The following CCDC73 variants were observed in gnomAD, a reference collection of about 807,000 sequenced individuals.
CCDC73 encodes coiled-coil domain containing 73.
In CCDC73, 95 loss-of-function variants were observed where a neutral mutation model predicts 116.5. The observed-to-expected ratio is 0.82, with a 90% CI of 0.69 to 0.97. The LOEUF is 0.97. CCDC73 is among the 50% of genes least tolerant of loss of function. CCDC73 has a pLI of 0.00. For missense variants in CCDC73, 1,066 were observed against 1,206.8 expected, an observed-to-expected ratio of 0.88 and a Z score of 1.73; for synonymous variants, 398 against 401.3, an observed-to-expected ratio of 0.99 and a Z score of 0.10.
intron 3 of CCDC73, among the ~76,000 whole-genome samples, chr11:32,706,972 T>G (rs271027): frequency 1.3e-4 from 20 of 152,142 alleles, no homozygotes; most frequent in Non-Finnish European, 2.9e-4. Context: ...GTTGACTTAC[T>G]GGTAACTTTA....
chr11:32,750,119 C>T (rs911882475), intron 2 of CCDC73, among the ~76,000 whole-genome samples: 1 of 152,214 alleles, frequency 6.6e-6, no homozygotes, highest in Non-Finnish European at 1.5e-5. Flanking sequence ...ATCCGCCTGC[C>T]TCAGCCTCCC....
intron 6 of CCDC73, among the ~76,000 whole-genome samples, chr11:32,688,049 A>G (rs1005540392): frequency 4.6e-5 from 7 of 152,334 alleles, no homozygotes; most frequent in Non-Finnish European, 1.0e-4. Flanking sequence ...CTATATTGAT[A>G]TAAATAAATA....
At chr11:32,731,278 G>A (rs1374523977) in intron 2 of CCDC73, among the ~76,000 whole-genome samples, 1 of 152,180 alleles carries the variant, frequency 6.6e-6, no homozygotes, top group South Asian at 2.1e-4. Context: ...TGGCCAGGAA[G>A]CTCAAACTGA....
the CCDC73 span, among the ~76,000 whole-genome samples, chr11:32,806,661 A>C: frequency 6.6e-6 from 1 of 151,848 alleles, no homozygotes; most frequent in African/African-American, 2.4e-5. Flanking sequence ...AAAGAAAGAA[A>C]CGAGAGAAAA....
intron 3 of CCDC73, among the ~76,000 whole-genome samples, chr11:32,713,632 A>C (rs1477646115): frequency 2.0e-5 from 3 of 152,112 alleles, no homozygotes; most frequent in African/African-American, 7.2e-5. Flanking sequence ...CTGAAGAAAA[A>C]ATGTGATAAT....
intron 1 of CCDC73, among the ~76,000 whole-genome samples, chr11:32,793,662 G>C (rs10835973): frequency 6.6e-6 from 1 of 151,732 alleles, no homozygotes; most frequent in Non-Finnish European, 1.5e-5. Context: ...CCAGGCTGGA[G>C]TGCAGTGGAG....
chr11:32,713,269 G>C (rs1849917710), intron 3 of CCDC73, among the ~76,000 whole-genome samples: 1 of 152,088 alleles, frequency 6.6e-6, no homozygotes, highest in Non-Finnish European at 1.5e-5. Context: ...CCAGATGACA[G>C]AACTTATTCT....
intron 17 of CCDC73, among the ~76,000 whole-genome samples, chr11:32,610,895 G>A (rs1354838901): frequency 1.3e-5 from 2 of 152,072 alleles, no homozygotes; most frequent in East Asian, 1.9e-4. Context: ...GTACATATCC[G>A]ATGCCTCACA....
At chr11:32,755,048 C>A (rs933071738) in intron 2 of CCDC73, among the ~76,000 whole-genome samples, 1 of 150,392 alleles carries the variant, frequency 6.6e-6, no homozygotes, top group Non-Finnish European at 1.5e-5. Flanking sequence ...TCACCATGCC[C>A]AGCTAATTTT....
the CCDC73 span, among the ~76,000 whole-genome samples, chr11:32,799,873 T>C: frequency 6.6e-6 from 1 of 152,250 alleles, no homozygotes; most frequent in East Asian, 1.9e-4. Flanking sequence ...AACTTTGTTA[T>C]AGTTACAGCA....
chr11:32,777,806 T>C (rs370106035), intron 1 of CCDC73, among the ~76,000 whole-genome samples: 37 of 152,286 alleles, frequency 2.4e-4, no homozygotes, highest in Non-Finnish European at 3.8e-4. Flanking sequence ...GCTACATTTG[T>C]ATTTGTGATT....
intron 1 of CCDC73, among the ~76,000 whole-genome samples, chr11:32,778,978 G>A (rs577424466): frequency 5.9e-5 from 9 of 152,184 alleles, no homozygotes; most frequent in Non-Finnish European, 1.2e-4. Flanking sequence ...CAAAGCATAT[G>A]GTAATCAATC....
chr11:32,607,293 C>G (rs1321698150), intron 17 of CCDC73, among the ~76,000 whole-genome samples: 1 of 150,268 alleles, frequency 6.7e-6, no homozygotes, highest in Non-Finnish European at 1.5e-5. Context: ...GGGGTTTCAC[C>G]GTTTTAGCCG....
At chr11:32,743,261 A>G (rs1850205827) in intron 2 of CCDC73, among the ~76,000 whole-genome samples, 1 of 152,198 alleles carries the variant, frequency 6.6e-6, no homozygotes, top group African/African-American at 2.4e-5. Flanking sequence ...GGCCATTTTC[A>G]GAATATTGAT....
In CCDC73 at chr11:32,732,237, G is replaced by C. The variant is rs141274542; in HGVS notation, c.136-14090C>G. On this transcript the variant is annotated intron_variant, in intron 2 of 17. Transcript: ENST00000335185. ...TACAGAAAAAAGAGTAAAACGAAATGAGCAAAACCTCCAAGAAATATGGGA... is the reference window on the plus strand; with the variant it reads ...TACAGAAAAAAGAGTAAAACGAAATCAGCAAAACCTCCAAGAAATATGGGA... 7.1e-3 allele frequency among the ~76,000 whole-genome samples: 1,083 copies of C among 152,274 alleles called. 16 individuals are homozygous for C. The highest frequency in any genetic ancestry group is 0.025 in the African/African-American group (1,044 of 41,546).
At chr11:32,644,650 C>T (rs1232187206) in intron 12 of CCDC73, among the ~76,000 whole-genome samples, 1 of 152,138 alleles carries the variant, frequency 6.6e-6, no homozygotes, top group African/African-American at 2.4e-5. Context: ...CCCATTTCCC[C>T]TCCCCAGTTG....
the CCDC73 span, among the ~76,000 whole-genome samples, chr11:32,821,446 A>G: frequency 1.3e-5 from 2 of 152,338 alleles, no homozygotes; most frequent in Admixed American, 1.3e-4. Context: ...TAACAGTTTA[A>G]AAAAGTCCTT....
chr11:32,635,770 T>C lies in CCDC73; in HGVS notation c.1111A>G (p.Thr371Ala), dbSNP rs906319684. ...TAATGTTCTTGTAACTTAATATGAG[T>C]TTCTTTAAGGGATGATAATTCATTT... The part of the protein sequence containing the change: ...IKNELSSLKE[T>A]HIKLQEHYNK... The change falls in exon 14 of 18, where the codon ACT becomes GCT. Residue 371 changes from threonine to alanine, a missense_variant. Thr to Ala is a moderately conservative substitution (Grantham distance 58). Coordinates refer to ENST00000335185, the MANE Select transcript of CCDC73 (RefSeq NM_001008391.4). The C allele has an allele frequency of 3.1e-6, 4 of 1,271,190 alleles. No homozygotes were observed. In the African/African-American group the frequency reaches 6.1e-5, roughly 20 times the overall value. 78.7% of individuals were successfully genotyped at this position (1,271,190 alleles called of 1,614,324 possible).
chr11:32,641,282 G>T (rs1481399130), intron 13 of CCDC73, among the ~76,000 whole-genome samples: 2 of 152,016 alleles, frequency 1.3e-5, no homozygotes, highest in Non-Finnish European at 2.9e-5. Context: ...AATTTAAAAT[G>T]CAATTAAAAT....
Sources: allele counts gnomAD v4.1 joint callset (sites outside exome capture counted in the v4.1 genomes callset), GRCh38; gene constraint gnomAD v4.1.1; transcripts MANE v1.5; gene names NCBI Gene and HGNC (gene_info 2026-07-23, HGNC 2026-07-21).